The following SUPT3H variants were observed in gnomAD, a reference collection of about 807,000 sequenced individuals.
The protein encoded by SUPT3H is SPT3 homolog, SAGA and STAGA complex component.
A neutral mutation model predicts 44.3 loss-of-function variants in SUPT3H; 44 were observed. The observed-to-expected ratio is 0.99, with a 90% CI of 0.78 to 1.28. SUPT3H has a LOEUF of 1.28. Among genes scored for constraint, SUPT3H ranks in the 50% most tolerant of loss-of-function variants. SUPT3H has a pLI of 0.00. For missense variants in SUPT3H, 380 were observed against 387.1 expected (o/e 0.98, Z 0.15); for synonymous variants, 124 against 125.6 (o/e 0.99, Z 0.09).
intron 2 of SUPT3H, among the ~76,000 whole-genome samples, chr6:45,136,659 A>G (rs1804333764): frequency 6.6e-6 from 1 of 152,166 alleles, no homozygotes; most frequent in Non-Finnish European, 1.5e-5. Flanking sequence ...TGAAATGAAT[A>G]ATTCACTAGA....
At chr6:45,247,690 ATT>A (rs10673729) in intron 2 of SUPT3H, among the ~76,000 whole-genome samples, 11 of 144,770 alleles carry the variant, frequency 7.6e-5, no homozygotes, top group African/African-American at 2.0e-4. Context: ...TTCTTTTTCC[ATT>A]TTTTTTTTTT....
intron 3 of SUPT3H, among the ~76,000 whole-genome samples, chr6:45,065,414 A>G (rs1237631862): frequency 1.4e-5 from 2 of 144,738 alleles, no homozygotes; most frequent in African/African-American, 5.2e-5. Flanking sequence ...GAAAAGCAAG[A>G]GCAAACACAT....
intron 2 of SUPT3H, among the ~76,000 whole-genome samples, chr6:45,326,738 A>C (rs1008311517): frequency 1.3e-5 from 2 of 151,986 alleles, no homozygotes; most frequent in Non-Finnish European, 2.9e-5. Context: ...TCTAATATGA[A>C]CCAAAAGCAG....
chr6:45,220,917 T>C (rs1273260321), intron 2 of SUPT3H, among the ~76,000 whole-genome samples: 2 of 152,192 alleles, frequency 1.3e-5, no homozygotes, highest in Admixed American at 6.5e-5. Context: ...TAAAGACACA[T>C]GCACACGTAT....
intron 10 of SUPT3H, among the ~76,000 whole-genome samples, chr6:44,831,870 G>A (rs2153410673): frequency 6.6e-6 from 1 of 152,202 alleles, no homozygotes; most frequent in Non-Finnish European, 1.5e-5. Flanking sequence ...CTTCACAGAT[G>A]ATTTATCACT....
In SUPT3H at chr6:44,960,188, C is replaced by T. The variant is rs952547746; in HGVS notation, c.580+1565G>A. Among the ~76,000 whole-genome samples, 7 of 151,976 alleles carry T rather than the reference C, an allele frequency of 4.6e-5. No individual in the cohort carries two copies. The South Asian group carries it at 1.2e-3, about 27-fold the overall frequency. On this transcript the variant is annotated intron_variant, in intron 7 of 10. Transcript: ENST00000371459. ...AACATGGGCCGGGCACAGTGGCTCA[C>T]CTGAGGTCAGGAGTTCAAGACCACC...
At chr6:45,031,460 T>A (rs1205276522) in intron 3 of SUPT3H, among the ~76,000 whole-genome samples, 1 of 152,188 alleles carries the variant, frequency 6.6e-6, no homozygotes, top group African/African-American at 2.4e-5. Context: ...AAGGGAAAAA[T>A]AATGTGGGCT....
At chr6:44,974,953 C>A (rs930642556) in intron 6 of SUPT3H, among the ~76,000 whole-genome samples, 1 of 152,034 alleles carries the variant, frequency 6.6e-6, no homozygotes, top group Admixed American at 6.5e-5. Context: ...GGTGGATCAC[C>A]TGAGGTCAGG....
intron 2 of SUPT3H, among the ~76,000 whole-genome samples, chr6:45,286,018 G>C (rs1340010523): frequency 7.2e-6 from 1 of 138,596 alleles, no homozygotes; most frequent in Admixed American, 7.2e-5. Context: ...TTTAATAAAT[G>C]GTGCTGGGAA....
In SUPT3H at chr6:44,917,746, C is replaced by T. The variant is rs114070129; in HGVS notation, c.912+14907G>A. Among the ~76,000 whole-genome samples, 395 of 152,276 alleles carry T rather than the reference C, an allele frequency of 2.6e-3. 4 individuals are homozygous for T. Among genetic ancestry groups the T allele is most frequent in the African/African-American group, 8.9e-3 (370 of 41,546 alleles). The stretch of plus-strand genomic sequence containing the variant: ...CTTGCTTACAATAGTTTGTGAACTA[C>T]GATACTGAGAGCTGTGTAATCCAAG... On this transcript the variant is annotated intron_variant, in intron 10 of 10. Transcript: ENST00000371459.
intron 2 of SUPT3H, among the ~76,000 whole-genome samples, chr6:45,268,884 T>A (rs1246685801): frequency 3.3e-5 from 5 of 152,180 alleles, no homozygotes; most frequent in Admixed American, 2.0e-4. Context: ...GGTTAAAATG[T>A]TCCTACTGCT....
At chr6:45,298,572 T>TG (rs1044502649) in intron 2 of SUPT3H, among the ~76,000 whole-genome samples, 2 of 152,026 alleles carry the variant, frequency 1.3e-5, no homozygotes, top group Non-Finnish European at 2.9e-5. Context: ...CCTGACCTCG[T>TG]GATCCATCCG....
intron 11 of SUPT3H, among the ~76,000 whole-genome samples, chr6:44,818,289 T>A (rs1266813323): frequency 6.6e-6 from 1 of 152,110 alleles, no homozygotes; most frequent in African/African-American, 2.4e-5. Context: ...CCTCAACTCT[T>A]ATCTTGTATT....
At chr6:45,032,002 C>T (rs1047655191) in intron 3 of SUPT3H, among the ~76,000 whole-genome samples, 1 of 152,136 alleles carries the variant, frequency 6.6e-6, no homozygotes, top group African/African-American at 2.4e-5. Context: ...AAGCCAAAGA[C>T]AGTTGCAAAA....
chr6:44,982,240 T>C (rs1242607253), intron 6 of SUPT3H, among the ~76,000 whole-genome samples: 8 of 152,158 alleles, frequency 5.3e-5, no homozygotes, highest in Non-Finnish European at 7.3e-5. Flanking sequence ...GGCTTTTTTT[T>C]TGAGATGGAG....
At chr6:45,139,644 G>A (rs1309825868) in intron 2 of SUPT3H, among the ~76,000 whole-genome samples, 1 of 152,168 alleles carries the variant, frequency 6.6e-6, no homozygotes, top group Non-Finnish European at 1.5e-5. Flanking sequence ...CCAGGTAACA[G>A]GAGAAGGATT....
At chr6:45,053,081 C>T (rs1286827551) in intron 3 of SUPT3H, among the ~76,000 whole-genome samples, 1 of 152,112 alleles carries the variant, frequency 6.6e-6, no homozygotes, top group Non-Finnish European at 1.5e-5. Context: ...GATGCCCAGG[C>T]TAGAGTGCAG....
chr6:44,833,214 G>A (rs1322392863), intron 10 of SUPT3H, among the ~76,000 whole-genome samples: 1 of 152,096 alleles, frequency 6.6e-6, no homozygotes, highest in Non-Finnish European at 1.5e-5. Flanking sequence ...ACTGTAGTAA[G>A]TAAGTCCCAA....
rs1785766869 is a variant in SUPT3H at position 45,323,023 on chromosome 6, A to G, written c.101+42178T>C. 3 of 1,066,526 alleles carry G rather than the reference A, an allele frequency of 2.8e-6. No homozygotes were observed. The African/African-American group carries it at 4.8e-5, about 17-fold the overall frequency. The allele number at this position is 1,066,526 out of a possible 1,614,324, so 66.1% of individuals were successfully genotyped here. A position where few individuals can be genotyped will look rare whatever the true frequency, so the allele number is the denominator to read the frequency against. On this transcript the variant is annotated intron_variant, in intron 2 of 10. Coordinates refer to ENST00000371459, the MANE Select transcript of SUPT3H (RefSeq NM_003599.4). The stretch of plus-strand genomic sequence containing the variant: ...CAAATCATCCTTAATAGAGATACAG[A>G]CAGACATACGATGATATTCATGTTT...
Sources: gnomAD v4.1 joint callset for allele counts (sites outside exome capture counted in the v4.1 genomes callset) on GRCh38, gnomAD v4.1.1 for gene constraint, MANE v1.5 for transcripts, NCBI Gene and HGNC (gene_info 2026-07-23, HGNC 2026-07-21) for gene names.